FER1L6: variants seen among roughly 807,000 people sequenced by gnomAD.
FER1L6 encodes fer-1-like protein 6.
A neutral mutation model predicts 219.2 loss-of-function variants in FER1L6; 177 were observed. The ratio of observed to expected loss-of-function variants is 0.81; its 90% CI spans 0.71 to 0.91. FER1L6 has a LOEUF of 0.91. FER1L6 is among the 40% of genes least tolerant of loss of function. The probability of loss-of-function intolerance (pLI) is 0.00; values close to 1 mark genes in which losing one functional copy is unlikely to be tolerated. For missense variants in FER1L6, 2,153 were observed against 2,259.9 expected (o/e 0.95, Z 0.96); for synonymous variants, 768 against 824.3 (o/e 0.93, Z 1.17).
At chr8:124,071,319 C>A (rs541561792) in intron 30 of FER1L6, among the ~76,000 whole-genome samples, 187 bp from the exon 31 acceptor site, 49 of 152,242 alleles carry the variant, frequency 3.2e-4, no homozygotes, top group African/African-American at 1.1e-3. Flanking sequence ...CACTGGTGTA[C>A]CATGAAGAAG....
intron 1 of FER1L6, among the ~76,000 whole-genome samples, chr8:123,910,663 A>C (rs577167102): frequency 1.7e-4 from 25 of 148,366 alleles, no homozygotes; most frequent in African/African-American, 6.2e-4. Flanking sequence ...TTGAAGTGAA[A>C]AACAGAGGTC....
intron 14 of FER1L6, among the ~76,000 whole-genome samples, chr8:124,012,129 C>T (rs1817963834): frequency 1.3e-5 from 2 of 152,338 alleles, no homozygotes; most frequent in African/African-American, 4.8e-5. Flanking sequence ...ACCAGATCAT[C>T]TTTGTCTTGA....
rs976794100 is a variant in FER1L6, at chr8:123,977,273, C to T, written c.871-144C>T. On this transcript the variant is annotated intron_variant, in intron 9 of 40. Coordinates refer to ENST00000522917, the MANE Select transcript of FER1L6 (RefSeq NM_001039112.2). ...CATAGAGCAGGTCATCAGTCACGTTCGCTGAGTGTAACTGATTTTCGTGGG... is the reference window on the plus strand; with the variant it reads ...CATAGAGCAGGTCATCAGTCACGTTTGCTGAGTGTAACTGATTTTCGTGGG... 1.5e-5 allele frequency: 11 copies of T among 741,196 alleles called. No individual in the cohort carries two copies. In the East Asian group the frequency reaches 2.3e-4, roughly 16 times the overall value. The allele number at this position is 741,196 out of a possible 1,614,324, so 45.9% of individuals were successfully genotyped here.
intron 22 of FER1L6, among the ~76,000 whole-genome samples, chr8:124,059,627 A>C (rs1187294402): frequency 2.0e-5 from 3 of 152,118 alleles, no homozygotes; most frequent in Non-Finnish European, 4.4e-5. Flanking sequence ...ACAAGAAGAG[A>C]CAAGTTTTCA....
chr8:123,863,829 C>T (rs1369229152), intron 1 of FER1L6, among the ~76,000 whole-genome samples: 4 of 150,648 alleles, frequency 2.7e-5, no homozygotes, highest in African/African-American at 9.9e-5. Flanking sequence ...TTTCCATTTG[C>T]TTGGTAGATC....
chr8:123,966,250 G>A lies in FER1L6; in HGVS notation c.344G>A (p.Ser115Asn). The change falls in exon 5 of 41, where the codon AGC (serine) becomes AAC (asparagine). Residue 115 changes from serine to asparagine, a missense_variant. By Grantham distance (46) the Ser-to-Asn change is conservative (BLOSUM62 1). Transcript: ENST00000522917. The stretch of plus-strand genomic sequence containing the variant: ...GAGATTGGGGATGAGAAGAAGCAAA[G>A]CACAGTGAAGGAAGGAACCAACAGC... ...TIEIGDEKKQSTVKEGTNSPF... is the reference protein window; with the variant it reads ...TIEIGDEKKQNTVKEGTNSPF... 6.2e-7 allele frequency: 1 copy of A among 1,614,142 alleles called. No homozygotes were observed. The highest frequency in any genetic ancestry group is 1.3e-5 in the African/African-American group (1 of 75,046).
chr8:123,939,671 C>A (rs556312062), intron 1 of FER1L6, among the ~76,000 whole-genome samples: 1 of 152,280 alleles, frequency 6.6e-6, no homozygotes, highest in Non-Finnish European at 1.5e-5. Context: ...AGTTAGTTTG[C>A]TTGCTGTGCT....
intron 1 of FER1L6, among the ~76,000 whole-genome samples, chr8:123,877,551 G>T (rs746575077): frequency 4.6e-5 from 7 of 152,112 alleles, no homozygotes; most frequent in Non-Finnish European, 8.8e-5. Context: ...GTGGGCATGA[G>T]AAGGCTGTCA....
In FER1L6 at chr8:124,010,578, C is replaced by T; in HGVS notation, c.1701-16C>T. On this transcript the variant is annotated splice_polypyrimidine_tract_variant and intron_variant, in intron 13 of 40. Transcript: ENST00000522917. Reference sequence around the variant, plus strand: ...ACTGATTACCAGCTAACTTCCAGACCTAATTGTTTTCACAGGAATTACAAC... The same window carrying T: ...ACTGATTACCAGCTAACTTCCAGACTTAATTGTTTTCACAGGAATTACAAC... 6.2e-7 allele frequency: 1 copy of T among 1,613,102 alleles called. No individual in the cohort carries two copies. Among genetic ancestry groups the T allele is most frequent in the Non-Finnish European group, 8.5e-7 (1 of 1,179,630 alleles).
intron 2 of FER1L6, among the ~76,000 whole-genome samples, chr8:123,958,815 G>GA (rs1488773970): frequency 1.3e-5 from 2 of 151,780 alleles, no homozygotes; most frequent in Non-Finnish European, 2.9e-5. Flanking sequence ...TCAAGGATGA[G>GA]AGGGAGCCCA....
intron 1 of FER1L6, among the ~76,000 whole-genome samples, chr8:123,866,531 A>C (rs78803079): frequency 3.3e-5 from 5 of 152,072 alleles, no homozygotes; most frequent in Non-Finnish European, 1.5e-5. Context: ...TGAATCATAC[A>C]GTAATTCTAT....
At chr8:123,976,631 A>T (rs1049765290) in intron 9 of FER1L6, among the ~76,000 whole-genome samples, 6 of 152,178 alleles carry the variant, frequency 3.9e-5, no homozygotes, top group Non-Finnish European at 7.3e-5. Flanking sequence ...GGATACAGGC[A>T]GACAGGCATC....
intron 34 of FER1L6, among the ~76,000 whole-genome samples, chr8:124,092,208 T>C (rs1822066155): frequency 6.6e-6 from 1 of 152,198 alleles, no homozygotes; most frequent in African/African-American, 2.4e-5. Flanking sequence ...TTCTCCTTTG[T>C]TCTTTGAAAT....
Position 124,094,980 on chromosome 8 carries a change from T to C in FER1L6, c.4637T>C (p.Val1546Ala). The change falls in exon 35 of 41, where the codon GTT becomes GCT. Residue 1546 changes from valine (V) to alanine (A), a missense_variant. Coordinates refer to ENST00000522917, the MANE Select transcript of FER1L6 (RefSeq NM_001039112.2). ...ATCCCGGAAGTCGGGTGTAGGCTGG[T>C]TCCTGAACACATAGAAACTCGGCCA... is the stretch of plus-strand genomic sequence containing the variant. ...EDIPEVGCRL[V>A]PEHIETRPLY... The C allele has an allele frequency of 1.9e-6, 3 of 1,614,060 alleles. No homozygotes were observed. The highest frequency in any genetic ancestry group is 2.5e-6 in the Non-Finnish European group (3 of 1,179,980).
chr8:123,963,727 A>G (rs886916743), intron 3 of FER1L6, among the ~76,000 whole-genome samples: 2 of 152,224 alleles, frequency 1.3e-5, no homozygotes, highest in African/African-American at 4.8e-5. Flanking sequence ...CAAGGTGCTC[A>G]TTATCTTAGC....
chr8:123,906,431 C>T (rs1012897081), intron 1 of FER1L6, among the ~76,000 whole-genome samples: 18 of 152,118 alleles, frequency 1.2e-4, no homozygotes, highest in East Asian at 3.9e-4. Context: ...CTTTAGATAC[C>T]CTACATCCTT....
At chr8:124,116,791 C>G (rs1823267675) in intron 39 of FER1L6, among the ~76,000 whole-genome samples, 1 of 152,172 alleles carries the variant, frequency 6.6e-6, no homozygotes, top group Non-Finnish European at 1.5e-5. Context: ...GCTTAAGTTA[C>G]CTGTGAATGA....
At chr8:124,050,217 G>A (rs1445630032) in intron 22 of FER1L6, among the ~76,000 whole-genome samples, 1 of 152,182 alleles carries the variant, frequency 6.6e-6, no homozygotes, top group Non-Finnish European at 1.5e-5. Flanking sequence ...TAGGATTAAA[G>A]TGATTGACTG....
intron 32 of FER1L6, among the ~76,000 whole-genome samples, chr8:124,076,666 C>T (rs766869416): frequency 6.6e-6 from 1 of 152,152 alleles, no homozygotes; most frequent in African/African-American, 2.4e-5. Flanking sequence ...ATTTAATAGG[C>T]ATCTTGCAGG....
Sources: allele counts gnomAD v4.1 joint callset (sites outside exome capture counted in the v4.1 genomes callset), GRCh38; gene constraint gnomAD v4.1.1; transcripts MANE v1.5; gene names NCBI Gene and HGNC (gene_info 2026-07-23, HGNC 2026-07-21).